Variants in PRKX observed in about 807,000 individuals in gnomAD.
The protein encoded by PRKX is cAMP-dependent protein kinase catalytic subunit PRKX.
A neutral mutation model predicts 22.0 loss-of-function variants in PRKX; 12 were observed. The observed-to-expected ratio is 0.54, with a 90% CI of 0.35 to 0.88. The LOEUF (loss-of-function observed/expected upper bound fraction) is 0.88. PRKX is among the 40% of genes least tolerant of loss of function. The probability of loss-of-function intolerance (pLI) is 0.01; values close to 1 mark genes in which losing one functional copy is unlikely to be tolerated. For missense variants in PRKX, 217 were observed against 308.0 expected (o/e 0.70, Z 2.21); for synonymous variants, 134 against 137.7 (o/e 0.97, Z 0.19).
intron 1 of PRKX, among the ~76,000 whole-genome samples, chrX:3,710,770 C>T (rs1294142866): frequency 1.8e-5 from 2 of 111,715 alleles, no homozygotes; most frequent in Admixed American, 9.5e-5. Context: ...AGTACTCCTG[C>T]GGGTGCTTGT....
intron 1 of PRKX, among the ~76,000 whole-genome samples, chrX:3,689,432 C>T (rs755992812): frequency 1.8e-5 from 2 of 111,915 alleles, no homozygotes; most frequent in African/African-American, 3.2e-5. Flanking sequence ...GCCTATAATC[C>T]CAGAACTTTG....
chrX:3,685,722 T>C (rs1216802556), intron 1 of PRKX, among the ~76,000 whole-genome samples: 2 of 106,753 alleles, frequency 1.9e-5, no homozygotes. Flanking sequence ...TCCCCCAAGA[T>C]AGGCTAAGAG....
At chrX:3,621,071 T>G (rs1490764654) in intron 6 of PRKX, among the ~76,000 whole-genome samples, 188 bp downstream of exon 6, 1 of 111,259 alleles carries the variant, frequency 9.0e-6, no homozygotes, top group Non-Finnish European at 1.9e-5. Flanking sequence ...AAACCGAGAT[T>G]TGATAGATCT....
chrX:3,682,112 G>A (rs1009933175), intron 1 of PRKX, among the ~76,000 whole-genome samples: 5 of 110,889 alleles, frequency 4.5e-5, no homozygotes, highest in South Asian at 3.9e-4. Flanking sequence ...CTTGGGGTCC[G>A]TGGGTATATG....
Position 3,605,205 on chromosome X carries a change from ACTC to A in PRKX, c.*3761_*3763del, listed in dbSNP as rs1425700252. The A allele has an allele frequency of 9.1e-6, 1 of 109,787 alleles. No individual in the cohort carries two copies. The highest frequency in any genetic ancestry group is 1.9e-5 in the Non-Finnish European group (1 of 52,634). The allele number at this position is 109,787 out of a possible 1,213,427, so 9.0% of individuals were successfully genotyped here. On this transcript the variant is annotated 3_prime_UTR_variant, in exon 9 of 9. Coordinates refer to ENST00000262848, the MANE Select transcript of PRKX (RefSeq NM_005044.5). ...CAGCAACAGAAAAACAGTGCATACG[ACTC>A]CTCCAATGTGTGTAAAATGCATGCT...
chrX:3,689,708 TG>T (rs1410726074), intron 1 of PRKX, among the ~76,000 whole-genome samples: 1 of 111,539 alleles, frequency 9.0e-6, no homozygotes, highest in Non-Finnish European at 1.9e-5. Context: ...CTGGGCGCGG[TG>T]GCTCACACCT....
At chrX:3,698,558 G>C (rs1928491146) in intron 1 of PRKX, among the ~76,000 whole-genome samples, 1 of 110,442 alleles carries the variant, frequency 9.1e-6, no homozygotes, top group African/African-American at 3.3e-5. Context: ...TTTTCTACAT[G>C]TGTTTTGTTT....
At chrX:3,638,537 A>G (rs1926944283) in intron 4 of PRKX, among the ~76,000 whole-genome samples, 1 of 111,726 alleles carries the variant, frequency 9.0e-6, no homozygotes, top group Admixed American at 9.6e-5. Flanking sequence ...CAATATGCCT[A>G]AGTTATTTTT....
At position 3,608,260 on chromosome X, in the gene PRKX, G is replaced by C. The variant is rs1251492334; in HGVS notation, c.*709C>G. On this transcript the variant is annotated 3_prime_UTR_variant, in exon 9 of 9. Transcript: ENST00000262848. ...CTCCAACAACTTCAATGTCATTGTAGATTCTTGGAATAAATTCGCTCCCAT... is the reference window on the plus strand; with the variant it reads ...CTCCAACAACTTCAATGTCATTGTACATTCTTGGAATAAATTCGCTCCCAT... 3 of 109,960 alleles carry C rather than the reference G, an allele frequency of 2.7e-5. No individual in the cohort carries two copies. The Admixed American group carries it at 3.0e-4, about 11-fold the overall frequency. The allele number at this position is 109,960 out of a possible 1,213,427, so 9.1% of individuals were successfully genotyped here. A position where few individuals can be genotyped will look rare whatever the true frequency, so the allele number is the denominator to read the frequency against.
chrX:3,671,959 G>C (rs1927855770), intron 2 of PRKX, among the ~76,000 whole-genome samples: 1 of 111,534 alleles, frequency 9.0e-6, no homozygotes, highest in South Asian at 3.8e-4. Flanking sequence ...CCTGTTCATA[G>C]AGAAAAAACA....
chrX:3,649,703 GGAATGGGAGGGGAGGGAAGGGGAAA>G (rs1927273249), intron 3 of PRKX, among the ~76,000 whole-genome samples: 1 of 24,072 alleles, frequency 4.2e-5, no homozygotes, highest in South Asian at 4.3e-3. Flanking sequence ...GGAAGGGGAA[GGAATGGGAGGGGAGGGAAGGGGAAA>G]GAATGGGAGG....
rs991428627 is a variant in PRKX, at chrX:3,697,184, C to T, written c.166+15904G>A. 2.9e-4 allele frequency among the ~76,000 whole-genome samples: 32 copies of T among 111,390 alleles called. 1 individual carries two copies. Among genetic ancestry groups the T allele is most frequent in the African/African-American group, 1.0e-3 (31 of 30,589 alleles). ...GCTTGGATAATACGGCAAACCATCC[C>T]CACACCCCCATGTCTACTAAAAATA... On this transcript the variant is annotated intron_variant, in intron 1 of 8. Transcript: ENST00000262848.
At chrX:3,641,360 C>CT (rs1927074668) in intron 4 of PRKX, 3 of 117,829 alleles carry the variant, frequency 2.5e-5, no homozygotes, top group Admixed American at 2.5e-4. Context: ...TTGACCCAAC[C>CT]TGTGCCCCCC....
At chrX:3,651,306 T>C (rs1427210549) in intron 3 of PRKX, among the ~76,000 whole-genome samples, 4 of 112,106 alleles carry the variant, frequency 3.6e-5, no homozygotes, top group African/African-American at 1.3e-4. Flanking sequence ...TAAATAGATA[T>C]GATGAATTAA....
At chrX:3,675,126 T>C (rs1371448628) in intron 1 of PRKX, among the ~76,000 whole-genome samples, 6 of 111,721 alleles carry the variant, frequency 5.4e-5, no homozygotes, top group African/African-American at 1.6e-4. Context: ...TGGAGAAGCA[T>C]TAGAGTAATA....
In PRKX at chrX:3,626,513, A is replaced by C; in HGVS notation, c.721T>G (p.Phe241Val). The change falls in exon 5 of 9, where the codon TTT (phenylalanine) becomes GTT (valine). Residue 241 changes from phenylalanine to valine, a missense_variant and splice_region_variant. Transcript: ENST00000262848. ...GILIFEMLSG[F>V]PPFFDDNPFG... ...GGGTTGTCATCAAAAAACGGAGGAA[A>C]CCTGTTAGAAAAACAAACATGTATT... 8.3e-7 allele frequency: 1 copy of C among 1,201,788 alleles called. No homozygotes were observed. Among genetic ancestry groups the C allele is most frequent in the Non-Finnish European group, 1.1e-6 (1 of 886,637 alleles).
At chrX:3,626,550 G>A in intron 4 of PRKX, 36 bp from the exon 5 acceptor site, 2 of 1,046,433 alleles carry the variant, frequency 1.9e-6, no homozygotes, top group African/African-American at 1.8e-5. Context: ...TTAGTGGGGA[G>A]TAAGCATGGA....
chrX:3,626,342 T>C, intron 5 of PRKX, 77 bp downstream of exon 5: 1 of 765,477 alleles, frequency 1.3e-6, no homozygotes, highest in Non-Finnish European at 2.0e-6. Context: ...GGTATCCTGC[T>C]GAGTGCGTGC....
chrX:3,654,468 T>TA, intron 3 of PRKX, among the ~76,000 whole-genome samples: 1 of 98,549 alleles, frequency 1.0e-5, no homozygotes, highest in Middle Eastern at 5.1e-3. Context: ...TTTTTTTTTT[T>TA]TTTTTTTTTG....
Sources: gnomAD v4.1 joint callset for allele counts (sites outside exome capture counted in the v4.1 genomes callset) on GRCh38, gnomAD v4.1.1 for gene constraint, MANE v1.5 for transcripts, NCBI Gene and HGNC (gene_info 2026-07-23, HGNC 2026-07-21) for gene names.